Variants in CCSER1 observed in about 807,000 individuals in gnomAD.
The protein encoded by CCSER1 is coiled-coil serine rich protein 1.
Under a neutral mutation model 82.0 loss-of-function variants are expected in CCSER1, and 41 were observed. That is an observed-to-expected ratio of 0.50 (90% CI 0.39 to 0.65). CCSER1 has a LOEUF of 0.65. Among genes scored for constraint, CCSER1 ranks in the 30% least tolerant of loss-of-function variants. The pLI is 0.00. For synonymous variants in CCSER1, 414 were observed against 383.9 expected, an observed-to-expected ratio of 1.08 and a Z score of -0.92; for missense variants, 1,119 against 1,064.2, an observed-to-expected ratio of 1.05 and a Z score of -0.72.
intron 10 of CCSER1, among the ~76,000 whole-genome samples, chr4:91,375,053 T>A (rs1188179218): frequency 2.0e-5 from 3 of 152,178 alleles, no homozygotes; most frequent in Non-Finnish European, 4.4e-5. Flanking sequence ...GATTGCTCTG[T>A]TAGACATGGT....
chr4:90,663,120 T>C (rs967852892), intron 6 of CCSER1, among the ~76,000 whole-genome samples: 1 of 152,304 alleles, frequency 6.6e-6, no homozygotes, highest in Non-Finnish European at 1.5e-5. Context: ...CTTTTTCATA[T>C]GCAATATTTT....
At chr4:90,509,957 A>G (rs911676178) in intron 5 of CCSER1, among the ~76,000 whole-genome samples, 2 of 152,218 alleles carry the variant, frequency 1.3e-5, no homozygotes, top group African/African-American at 4.8e-5. Flanking sequence ...TTTATGGGAC[A>G]TAGTGATTAA....
intron 3 of CCSER1, among the ~76,000 whole-genome samples, chr4:90,366,481 A>G (rs1368023849): frequency 6.6e-6 from 1 of 151,860 alleles, no homozygotes; most frequent in East Asian, 1.9e-4. Context: ...CATCACCTCA[A>G]ATACTTAACA....
intron 9 of CCSER1, among the ~76,000 whole-genome samples, chr4:91,040,245 A>G (rs1198492356): frequency 2.0e-5 from 3 of 152,138 alleles, no homozygotes; most frequent in East Asian, 3.8e-4. Flanking sequence ...TGAAATTTCT[A>G]TGTTCTAGAT....
At chr4:91,227,120 A>C (rs1052166924) in intron 10 of CCSER1, among the ~76,000 whole-genome samples, 2 of 151,950 alleles carry the variant, frequency 1.3e-5, no homozygotes, top group Non-Finnish European at 2.9e-5. Flanking sequence ...ATGTCATTGC[A>C]TAAGAAACCT....
chr4:91,432,194 C>T (rs1019138466), intron 10 of CCSER1, among the ~76,000 whole-genome samples: 3 of 152,142 alleles, frequency 2.0e-5, no homozygotes, highest in African/African-American at 7.2e-5. Flanking sequence ...TTTCCTGAGG[C>T]CTCCCTAGCT....
At chr4:91,529,008 T>G (rs2110162700) in intron 10 of CCSER1, among the ~76,000 whole-genome samples, 1 of 152,250 alleles carries the variant, frequency 6.6e-6, no homozygotes, top group African/African-American at 2.4e-5. Flanking sequence ...GAAATATTGT[T>G]ACTAATTAAA....
intron 10 of CCSER1, among the ~76,000 whole-genome samples, chr4:91,231,924 T>G (rs776474477): frequency 6.6e-5 from 10 of 151,822 alleles, no homozygotes; most frequent in Non-Finnish European, 1.3e-4. Context: ...AAATGCATCC[T>G]AAGTTGAGGG....
chr4:90,972,472 G>A (rs893803415), intron 9 of CCSER1, among the ~76,000 whole-genome samples: 1 of 151,624 alleles, frequency 6.6e-6, no homozygotes, highest in Non-Finnish European at 1.5e-5. Context: ...AACCAACAAA[G>A]TGAAAGATCT....
chr4:90,350,655 T>C (rs1371846255), intron 3 of CCSER1, among the ~76,000 whole-genome samples: 1 of 152,124 alleles, frequency 6.6e-6, no homozygotes, highest in African/African-American at 2.4e-5. Flanking sequence ...ATTTGGAATA[T>C]GTAACGGAAG....
In CCSER1 at chr4:90,917,277, A is replaced by G. The variant is rs994440278; in HGVS notation, c.2095-6093A>G. Among the ~76,000 whole-genome samples the G allele has an allele frequency of 3.3e-5, 5 of 152,332 alleles. No individual in the cohort carries two copies. The South Asian group carries it at 8.3e-4, about 25-fold the overall frequency. On this transcript the variant is annotated intron_variant, in intron 8 of 10. Coordinates refer to ENST00000509176, the MANE Select transcript of CCSER1 (RefSeq NM_001145065.2). ...CTTGGAACCAAGCCAAATGTCCAAC[A>G]ATGATGGACTGGATTAAGAAAATGT...
chr4:90,551,159 T>A (rs1560705017), intron 5 of CCSER1, among the ~76,000 whole-genome samples: 1 of 152,132 alleles, frequency 6.6e-6, no homozygotes, highest in East Asian at 1.9e-4. Flanking sequence ...GTTTATAAGA[T>A]CTTGCTATGG....
intron 10 of CCSER1, among the ~76,000 whole-genome samples, chr4:91,145,769 G>C (rs1017424218): frequency 6.6e-6 from 1 of 152,080 alleles, no homozygotes; most frequent in Admixed American, 6.6e-5. Context: ...AAGGATACTG[G>C]AAATGGACTC....
intron 10 of CCSER1, among the ~76,000 whole-genome samples, chr4:91,372,557 C>T (rs922344149): frequency 1.3e-5 from 2 of 152,012 alleles, no homozygotes; most frequent in Admixed American, 6.6e-5. Flanking sequence ...AAAAAGCCCT[C>T]ATTTTTAGCT....
intron 10 of CCSER1, among the ~76,000 whole-genome samples, chr4:91,147,747 G>T (rs905575197): frequency 1.3e-5 from 2 of 152,172 alleles, no homozygotes; most frequent in African/African-American, 4.8e-5. Flanking sequence ...AAATTCAAAT[G>T]AAAATTAGGT....
At chr4:90,806,514 G>C (rs1180194436) in intron 7 of CCSER1, among the ~76,000 whole-genome samples, 1 of 152,160 alleles carries the variant, frequency 6.6e-6, no homozygotes, top group Admixed American at 6.5e-5. Context: ...AACTGTAGTA[G>C]ATATAGGCCA....
chr4:91,089,167 G>A (rs1459859340), intron 10 of CCSER1, among the ~76,000 whole-genome samples: 8 of 152,132 alleles, frequency 5.3e-5, no homozygotes, highest in South Asian at 2.1e-4. Context: ...TTACATGAAA[G>A]GGCCGTGATT....
chr4:90,459,863 A>C (rs577820469), intron 4 of CCSER1, among the ~76,000 whole-genome samples: 1 of 152,308 alleles, frequency 6.6e-6, no homozygotes, highest in East Asian at 1.9e-4. Context: ...AGTGAAGGAC[A>C]CTTTTTTGCC....
intron 10 of CCSER1, among the ~76,000 whole-genome samples, chr4:91,265,819 A>C (rs1001073772): frequency 6.6e-6 from 1 of 152,208 alleles, no homozygotes; most frequent in African/African-American, 2.4e-5. Flanking sequence ...AGTAAATACA[A>C]AGAAAGTGTT....
Sources: gnomAD v4.1 joint callset for allele counts (sites outside exome capture counted in the v4.1 genomes callset) on GRCh38, gnomAD v4.1.1 for gene constraint, MANE v1.5 for transcripts, NCBI Gene and HGNC (gene_info 2026-07-23, HGNC 2026-07-21) for gene names.